The following ZNF136 variants were observed in gnomAD, a reference collection of about 807,000 sequenced individuals.
The protein encoded by ZNF136 is zinc finger protein 136, also known as zinc finger protein 136 (clone pHZ-20).
ZNF136 carries 8 observed loss-of-function variants against 11.4 expected under a neutral mutation model. The observed-to-expected ratio is 0.70, with a 90% CI of 0.41 to 1.27. ZNF136 has a LOEUF of 1.27. ZNF136 is among the 50% of genes most tolerant of loss of function. The pLI is 0.01. For missense variants in ZNF136, 590 were observed against 656.5 expected (o/e 0.90, Z 1.11); for synonymous variants, 190 against 207.1 (o/e 0.92, Z 0.71).
intron 1 of ZNF136, among the ~76,000 whole-genome samples, chr19:12,176,481 C>T (rs1461912466): frequency 6.6e-6 from 1 of 152,018 alleles, no homozygotes; most frequent in African/African-American, 2.4e-5. Flanking sequence ...CGCTTGCCAC[C>T]ACACCCAGCT....
intron 1 of ZNF136, chr19:12,169,369 C>T (rs1163321639): frequency 6.6e-6 from 1 of 152,204 alleles, no homozygotes; most frequent in Non-Finnish European, 1.5e-5. Flanking sequence ...GGAGCATTTC[C>T]ACACTGAGAA....
chr19:12,175,226 G>T (rs1914760924), intron 1 of ZNF136, among the ~76,000 whole-genome samples: 1 of 150,828 alleles, frequency 6.6e-6, no homozygotes, highest in Non-Finnish European at 1.5e-5. Flanking sequence ...ACAGAGTCTT[G>T]CTTTGTCACC....
chr19:12,168,484 G>C (rs1914548071), intron 1 of ZNF136, among the ~76,000 whole-genome samples: 1 of 152,064 alleles, frequency 6.6e-6, no homozygotes, highest in Non-Finnish European at 1.5e-5. Flanking sequence ...GGTGAACGCA[G>C]TGATGTTCTA....
Position 12,186,893 on chromosome 19 carries a change from A to G in ZNF136, c.515A>G (p.Glu172Gly). The G allele has an allele frequency of 6.2e-7, 1 of 1,613,966 alleles. No individual in the cohort carries two copies. Among genetic ancestry groups the G allele is most frequent in the Non-Finnish European group, 8.5e-7 (1 of 1,179,982 alleles). The stretch of plus-strand genomic sequence containing the variant: ...GGAGAGAAACTCTATGATTGTAAGG[A>G]ATGTGGAAAAACCTTCTTTTCTCTC... Reference protein sequence around the residue: ...HTGEKLYDCKECGKTFFSLKR... With the variant: ...HTGEKLYDCKGCGKTFFSLKR... The change falls in exon 4 of 4, where the codon GAA (glutamate) becomes GGA (glycine). Residue 172 changes from glutamate (E) to glycine (G), a missense_variant. Coordinates refer to ENST00000343979, the MANE Select transcript of ZNF136 (RefSeq NM_003437.5).
intron 1 of ZNF136, among the ~76,000 whole-genome samples, chr19:12,173,647 G>T (rs1243416939): frequency 1.3e-5 from 2 of 152,096 alleles, no homozygotes; most frequent in Non-Finnish European, 2.9e-5. Flanking sequence ...ACTTGTAAAC[G>T]TGTTTTCCCG....
intron 1 of ZNF136, among the ~76,000 whole-genome samples, chr19:12,169,983 A>G (rs1295405752): frequency 6.6e-6 from 1 of 151,522 alleles, no homozygotes; most frequent in Non-Finnish European, 1.5e-5. Flanking sequence ...TTTAGTAGAG[A>G]CGGGGTTTCA....
At chr19:12,167,314 A>G (rs1977200506) in intron 1 of ZNF136, among the ~76,000 whole-genome samples, 1 of 152,252 alleles carries the variant, frequency 6.6e-6, no homozygotes, top group South Asian at 2.1e-4. Flanking sequence ...CATGAAGCCA[A>G]ATCTTTGATG....
intron 1 of ZNF136, chr19:12,169,281 GAAA>G (rs1456604687): frequency 1.3e-5 from 2 of 152,200 alleles, no homozygotes; most frequent in East Asian, 3.8e-4. Context: ...TTTGTTGTCA[GAAA>G]AAATGACATC....
In ZNF136 at chr19:12,189,498, G is replaced by T; in HGVS notation, c.*1497G>T. On this transcript the variant is annotated 3_prime_UTR_variant, in exon 4 of 4. Coordinates refer to ENST00000343979, the MANE Select transcript of ZNF136 (RefSeq NM_003437.5). ...AGCCTCCTAGGAAGCTGGGACTACAGGCATGTGCCACCACACCTGGCTAAT... is the reference window on the plus strand; with the variant it reads ...AGCCTCCTAGGAAGCTGGGACTACATGCATGTGCCACCACACCTGGCTAAT... 6.6e-6 allele frequency: 1 copy of T among 152,316 alleles called. No individual in the cohort carries two copies. The highest frequency in any genetic ancestry group is 1.5e-5 in the Non-Finnish European group (1 of 68,082). 9.4% of individuals were successfully genotyped at this position (152,316 alleles called of 1,614,324 possible).
At chr19:12,183,697 C>G (rs1403892136) in intron 1 of ZNF136, among the ~76,000 whole-genome samples, 1 of 152,106 alleles carries the variant, frequency 6.6e-6, no homozygotes, top group Non-Finnish European at 1.5e-5. Flanking sequence ...CTCCTGGTCT[C>G]AAGCAGTCCT....
chr19:12,178,920 C>T (rs764989194), intron 1 of ZNF136, among the ~76,000 whole-genome samples: 2 of 150,766 alleles, frequency 1.3e-5, no homozygotes, highest in Non-Finnish European at 2.9e-5. Flanking sequence ...ACCTGGGAGG[C>T]GGAGCTTGCA....
intron 1 of ZNF136, among the ~76,000 whole-genome samples, chr19:12,182,137 A>G (rs1226064159): frequency 1.3e-5 from 2 of 152,214 alleles, no homozygotes; most frequent in African/African-American, 2.4e-5. Flanking sequence ...TTTTTGCAGA[A>G]GGCAGTGGAT....
chr19:12,168,262 C>T (rs919479198), intron 1 of ZNF136, among the ~76,000 whole-genome samples: 2 of 151,364 alleles, frequency 1.3e-5, no homozygotes, highest in South Asian at 2.1e-4. Flanking sequence ...TTAGTAGAAA[C>T]GGGGTTTCAC....
intron 1 of ZNF136, among the ~76,000 whole-genome samples, chr19:12,169,039 C>G (rs1199711306): frequency 6.6e-6 from 1 of 152,074 alleles, no homozygotes; most frequent in Non-Finnish European, 1.5e-5. Context: ...AATTGAGGAG[C>G]GTTTGTTGGA....
intron 3 of ZNF136, 98 bp downstream of exon 3, chr19:12,186,272 A>G (rs2145642672): frequency 2.4e-6 from 3 of 1,253,198 alleles, no homozygotes; most frequent in Non-Finnish European, 3.3e-6. Flanking sequence ...CCAAGCTTCA[A>G]ATTGATTTAT....
At chr19:12,171,980 T>C (rs269817) in intron 1 of ZNF136, among the ~76,000 whole-genome samples, 26,377 of 134,934 alleles carry the variant, frequency 0.2, 3,341 homozygotes, top group African/African-American at 0.42. Flanking sequence ...CTCTCTCTCT[T>C]TTTTTTTTTT....
At chr19:12,182,599 G>T (rs747302008) in intron 1 of ZNF136, among the ~76,000 whole-genome samples, 2 of 152,242 alleles carry the variant, frequency 1.3e-5, no homozygotes, top group Non-Finnish European at 2.9e-5. Context: ...CAGCTAATTG[G>T]ATGGCAGTAT....
intron 1 of ZNF136, among the ~76,000 whole-genome samples, chr19:12,169,728 C>T (rs927949154): frequency 9.2e-5 from 14 of 152,044 alleles, no homozygotes; most frequent in Admixed American, 5.9e-4. Flanking sequence ...CCTGCCTCAG[C>T]CTACCGAGTA....
At chr19:12,186,251 T>G (rs1915080380) in intron 3 of ZNF136, 77 bp downstream of exon 3, 1 of 1,408,192 alleles carries the variant, frequency 7.1e-7, no homozygotes, top group East Asian at 2.4e-5. Flanking sequence ...CAGGCAAACA[T>G]AACTGATAAG....
Sources: allele counts gnomAD v4.1 joint callset (sites outside exome capture counted in the v4.1 genomes callset), GRCh38; gene constraint gnomAD v4.1.1; transcripts MANE v1.5; gene names NCBI Gene and HGNC (gene_info 2026-07-23, HGNC 2026-07-21).